CDK11A: variants seen among roughly 807,000 people sequenced by gnomAD.
The protein encoded by CDK11A is cyclin-dependent kinase 11A.
Under a neutral mutation model 83.6 loss-of-function variants are expected in CDK11A, and 55 were observed. The observed-to-expected ratio is 0.66, with a 90% CI of 0.53 to 0.82. The LOEUF (loss-of-function observed/expected upper bound fraction) is 0.82. Ranked by LOEUF, CDK11A falls within the 40% of genes least tolerant of loss-of-function variation. The probability of loss-of-function intolerance (pLI) is 0.00; values close to 1 mark genes in which losing one functional copy is unlikely to be tolerated. For synonymous variants in CDK11A, 247 were observed against 302.7 expected (o/e 0.82, Z 1.91); for missense variants, 564 against 810.1 (o/e 0.70, Z 3.69).
At position 1,724,314 on chromosome 1, in the gene CDK11A, C is replaced by G. The variant is rs1284802688; in HGVS notation, c.-70G>C. 6.6e-6 allele frequency: 1 copy of G among 151,652 alleles called. No homozygotes were observed. Among genetic ancestry groups the G allele is most frequent in the African/African-American group, 2.4e-5 (1 of 41,294 alleles). 9.4% of individuals were successfully genotyped at this position (151,652 alleles called of 1,614,324 possible). A position where few individuals can be genotyped will look rare whatever the true frequency, so the allele number is the denominator to read the frequency against. On this transcript the variant is annotated 5_prime_UTR_variant, in exon 1 of 20. Transcript: ENST00000404249. ...GAGAAGAAACAGCAACCGGCGCTCG[C>G]CAGAAGTATCCTCACTTCCTGTGTT...
intron 3 of CDK11A, among the ~76,000 whole-genome samples, chr1:1,720,391 C>A (rs1484998548): frequency 1.3e-5 from 2 of 148,414 alleles, no homozygotes; most frequent in Non-Finnish European, 3.0e-5. Context: ...GCCGCCACGC[C>A]CGGCCTGTAT....
At chr1:1,720,146 G>A (rs1365813383) in intron 3 of CDK11A, among the ~76,000 whole-genome samples, 1 of 146,432 alleles carries the variant, frequency 6.8e-6, no homozygotes, top group Admixed American at 6.8e-5. Flanking sequence ...CAGGCTGGAG[G>A]GCAGTGGCGA....
rs1218094984 is a variant in CDK11A, at chr1:1,703,838, T to G, written c.1897A>C (p.Asn633His). ...FPGNSEIDQI[N>H]KVFKELGTPS... The stretch of plus-strand genomic sequence containing the variant: ...GCCAGACCCACCTTGAACACTTTGT[T>G]GATCTGATCGATTTCCGAATTCCCG... The change falls in exon 17 of 20, where the codon AAC (asparagine) becomes CAC (histidine). Residue 633 changes from asparagine to histidine, a missense_variant. Physicochemically the swap from Asn to His is moderately conservative, Grantham distance 68. This residue lies in a region of CDK11A where 361 missense variants were observed against 402.7 expected (regional missense o/e 0.90). Coordinates refer to ENST00000404249, the MANE Select transcript of CDK11A (RefSeq NM_024011.4). 3.7e-6 allele frequency: 6 copies of G among 1,609,646 alleles called. 1 individual carries two copies. Among genetic ancestry groups the G allele is most frequent in the Admixed American group, 1.7e-5 (1 of 59,806 alleles).
chr1:1,707,441 G>C lies in CDK11A; in HGVS notation c.1213C>G (p.Gln405Glu). 1 of 1,607,932 alleles carries C rather than the reference G, an allele frequency of 6.2e-7. No homozygotes were observed. The highest frequency in any genetic ancestry group is 1.7e-4 in the Middle Eastern group (1 of 5,996). Residue 405 changes from glutamine to glutamate, a missense_variant, in exon 11 of 20, where the codon CAG becomes GAG. Gln to Glu is a conservative substitution (Grantham distance 29, BLOSUM62 2). Transcript: ENST00000404249. ...GCCGGCAGGTACTTGGGCAGCTCCTGCTTGAGCTCGATGGGCAACAGGGCA... is the reference window on the plus strand; with the variant it reads ...GCCGGCAGGTACTTGGGCAGCTCCTCCTTGAGCTCGATGGGCAACAGGGCA... Reference protein sequence around the residue: ...SPALLPIELKQELPKYLPALQ... With the variant: ...SPALLPIELKEELPKYLPALQ...
chr1:1,705,652 G>C lies in CDK11A; in HGVS notation c.1326C>G (p.Asp442Glu), dbSNP rs1420194134. 6.8e-5 allele frequency: 37 copies of C among 543,542 alleles called. 4 individuals are homozygous for C. In the East Asian group the frequency reaches 1.1e-3, roughly 17 times the overall value. The allele number at this position is 543,542 out of a possible 1,614,324, so 33.7% of individuals were successfully genotyped here. A position where few individuals can be genotyped will look rare whatever the true frequency, so the allele number is the denominator to read the frequency against. The change falls in exon 12 of 20, where the codon GAC becomes GAG. Residue 442 changes from aspartate to glutamate, a missense_variant. Transcript: ENST00000404249. ...GTYGVVYRAK[D>E]KKTDEIVALK... is the part of the protein sequence containing the mutation. ...GGGGACCCCACCCACCTGTTTTCTTGTCTTTTGCTCTGTAGACCACTCCAT... is the reference window on the plus strand; with the variant it reads ...GGGGACCCCACCCACCTGTTTTCTTCTCTTTTGCTCTGTAGACCACTCCAT...
Position 1,705,708 on chromosome 1 carries a change from G to A in CDK11A, c.1270C>T (p.Gln424Ter), listed in dbSNP as rs1644281186. Residue 424 changes from glutamine (Q) to a stop codon, truncating the protein, a stop_gained, in exon 12 of 20, where the codon CAG becomes TAG. Transcript: ENST00000404249. LOFTEE classifies it high-confidence loss of function. ...CCCTCCTCGATCCTGTTCAGGCACT[G>A]GAACTCCTCGACGCTCCGGCAGCCC... is the stretch of plus-strand genomic sequence containing the variant. ...LQGCRSVEEFQCLNRIEEGTY... is the reference protein window; with the variant it reads ...LQGCRSVEEF 1.6e-6 allele frequency: 1 copy of A among 619,918 alleles called. No homozygotes were observed. Among genetic ancestry groups the A allele is most frequent in the Admixed American group, 2.7e-5 (1 of 37,716 alleles). The allele number at this position is 619,918 out of a possible 1,614,324, so 38.4% of individuals were successfully genotyped here.
In CDK11A at chr1:1,716,423, T is replaced by C. The variant is rs1360959567; in HGVS notation, c.411A>G (p.Glu137=). 1.2e-6 allele frequency: 2 copies of C among 1,608,570 alleles called. No homozygotes were observed. The change falls in exon 5 of 20, where the codon GAA becomes GAG. Residue 137 remains glutamate (E), a synonymous_variant. Transcript: ENST00000404249. ...REHERRKRHR[E]EQDKARREWE... Reference sequence around the variant, plus strand: ...ATTCCCGGCGAGCTTTATCCTGTTCTTCTCGATGTCGTTTCCGACGTTCGT... The same window carrying C: ...ATTCCCGGCGAGCTTTATCCTGTTCCTCTCGATGTCGTTTCCGACGTTCGT...
chr1:1,723,523 A>AC (rs1329871662), intron 1 of CDK11A, among the ~76,000 whole-genome samples: 1 of 55,164 alleles, frequency 1.8e-5, no homozygotes, highest in East Asian at 4.1e-4. Flanking sequence ...AAAAAAAAAA[A>AC]CAAGAATGAT....
At chr1:1,704,864 G>T in intron 13 of CDK11A, 40 bp downstream of exon 13, 1 of 1,607,598 alleles carries the variant, frequency 6.2e-7, no homozygotes, top group African/African-American at 1.4e-5. Flanking sequence ...TGTCGGAAAA[G>T]CCTTCCACCC....
In CDK11A at chr1:1,715,222, C is replaced by T. The variant is rs1369817247; in HGVS notation, c.488+1124G>A. ...TTTTGTCAGAGACAAGGTCTCTCTA[C>T]GTTGCCCAGGCTGGCGTCATGCGGT... On this transcript the variant is annotated intron_variant, in intron 5 of 19. Transcript: ENST00000404249. 1.1e-4 allele frequency among the ~76,000 whole-genome samples: 13 copies of T among 117,498 alleles called. 1 individual carries two copies. The highest frequency in any genetic ancestry group is 1.7e-4 in the African/African-American group (6 of 35,792). The allele number at this position is 117,498 out of a possible 152,430, so 77.1% of individuals were successfully genotyped here.
In CDK11A at chr1:1,708,544, G is replaced by A. The variant is rs547842495; in HGVS notation, c.1003+250C>T. Among the ~76,000 whole-genome samples the A allele has an allele frequency of 1.0e-4, 13 of 125,082 alleles. 1 individual carries two copies. Among genetic ancestry groups the A allele is most frequent in the African/African-American group, 3.4e-4 (12 of 34,996 alleles). 82.1% of individuals were successfully genotyped at this position (125,082 alleles called of 152,430 possible). On this transcript the variant is annotated intron_variant, in intron 9 of 19. Transcript: ENST00000404249. ...TACTCCCAGCTACTTGGGAGGCTGA[G>A]GCGGGAGGATCACTTGAACCCGGGA...
At chr1:1,717,407 A>G (rs1360559165) in intron 4 of CDK11A, among the ~76,000 whole-genome samples, 1 of 151,262 alleles carries the variant, frequency 6.6e-6, no homozygotes, top group Non-Finnish European at 1.5e-5. Flanking sequence ...TGATGTTGGT[A>G]CGAGATCAAA....
Position 1,703,847 on chromosome 1 carries a change from C to T in CDK11A, c.1888G>A (p.Asp630Asn), listed in dbSNP as rs753016535. The change falls in exon 17 of 20, where the codon GAT becomes AAT. Residue 630 changes from aspartate to asparagine, a missense_variant. Asp to Asn is a conservative substitution (Grantham distance 23). This residue lies in a region of CDK11A where 361 missense variants were observed against 402.7 expected (regional missense o/e 0.90). Coordinates refer to ENST00000404249, the MANE Select transcript of CDK11A (RefSeq NM_024011.4). ...ACCTTGAACACTTTGTTGATCTGAT[C>T]GATTTCCGAATTCCCGGGGAACAGA... ...KPLFPGNSEI[D>N]QINKVFKELG... The T allele has an allele frequency of 9.9e-6, 16 of 1,609,608 alleles. 2 individuals are homozygous for T. Among genetic ancestry groups the T allele is most frequent in the South Asian group, 3.3e-5 (3 of 90,786 alleles).
rs368648532 is a variant in CDK11A, at chr1:1,704,583, G to T, written c.1531C>A (p.Leu511Met). The change falls in exon 14 of 20, where the codon CTG becomes ATG. Residue 511 changes from leucine (L) to methionine (M), a missense_variant. Leu to Met is a conservative substitution (Grantham distance 15). Transcript: ENST00000404249. Reference protein sequence around the residue: ...MNYVEHDLKSLMETMKQPFLP... With the variant: ...MNYVEHDLKSMMETMKQPFLP... ...AAGGGCTGTTTCATGGTCTCCATCA[G>T]GCTCTTGAGGTCGTGCTCCACGTAG... 101 of 1,604,272 alleles carry T rather than the reference G, an allele frequency of 6.3e-5. 4 individuals are homozygous for T. The highest frequency in any genetic ancestry group is 7.9e-5 in the Non-Finnish European group (93 of 1,174,660).
Position 1,702,703 on chromosome 1 carries a change from T to G in CDK11A, c.*204A>C, listed in dbSNP as rs1175777905. ...CCCACGTGGGCACCCGAAGATGCCC[T>G]GGCAAGTCACGGAGAAAACACAGCT... On this transcript the variant is annotated 3_prime_UTR_variant, in exon 20 of 20. Transcript: ENST00000404249. 1.6e-6 allele frequency: 1 copy of G among 629,388 alleles called. No individual in the cohort carries two copies. Among genetic ancestry groups the G allele is most frequent in the Non-Finnish European group, 2.8e-6 (1 of 356,882 alleles). The allele number at this position is 629,388 out of a possible 1,614,324, so 39.0% of individuals were successfully genotyped here. A position where few individuals can be genotyped will look rare whatever the true frequency, so the allele number is the denominator to read the frequency against.
intron 6 of CDK11A, among the ~76,000 whole-genome samples, chr1:1,710,679 T>C (rs1244176649): frequency 2.7e-5 from 4 of 150,736 alleles, no homozygotes; most frequent in Non-Finnish European, 5.9e-5. Context: ...CAGACAAAGA[T>C]TTTAGGGAAC....
intron 5 of CDK11A, among the ~76,000 whole-genome samples, chr1:1,714,802 C>G (rs1644576767): frequency 7.3e-6 from 1 of 136,452 alleles, no homozygotes; most frequent in South Asian, 2.4e-4. Flanking sequence ...TAGGTCCTTT[C>G]ACGCAGCTGC....
chr1:1,704,700 A>G (rs1479402283), intron 13 of CDK11A, 45 bp from the exon 14 acceptor site: 1 of 1,595,242 alleles, frequency 6.3e-7, no homozygotes, highest in African/African-American at 1.4e-5. Flanking sequence ...CCAGGCCCCC[A>G]CCCACCCCTG....
chr1:1,706,202 A>G (rs1644303203), intron 11 of CDK11A, among the ~76,000 whole-genome samples: 1 of 150,228 alleles, frequency 6.7e-6, no homozygotes, highest in Non-Finnish European at 1.5e-5. Flanking sequence ...CCTCCCTAGT[A>G]GCTGGGAGTA....
Sources: gnomAD v4.1 joint callset for allele counts (sites outside exome capture counted in the v4.1 genomes callset) on GRCh38, gnomAD v4.1.1 for gene constraint, gnomAD v4.1.1 regional missense constraint, MANE v1.5 for transcripts, NCBI Gene and HGNC (gene_info 2026-07-23, HGNC 2026-07-21) for gene names.